CCDC57: variants seen among roughly 807,000 people sequenced by gnomAD.
The protein encoded by CCDC57 is coiled-coil domain-containing protein 57.
In CCDC57, 118 loss-of-function variants were observed where a neutral mutation model predicts 118.9. The ratio of observed to expected loss-of-function variants is 0.99; its 90% CI spans 0.86 to 1.16. The LOEUF (loss-of-function observed/expected upper bound fraction) is 1.16, where lower values mean the gene tolerates loss of function less well. Among genes scored for constraint, CCDC57 ranks in the 50% most tolerant of loss-of-function variants. The pLI is 0.00. For synonymous variants in CCDC57, 527 were observed against 532.9 expected, an observed-to-expected ratio of 0.99 and a Z score of 0.15; for missense variants, 1,300 against 1,320.7, an observed-to-expected ratio of 0.98 and a Z score of 0.24.
chr17:82,171,997 G>A (rs1242940360), intron 12 of CCDC57, 144 bp from the exon 12 acceptor site: 15 of 837,304 alleles, frequency 1.8e-5, no homozygotes, highest in South Asian at 1.2e-4. Context: ...CAGCTTCACC[G>A]TAGTTTCCAC....
At chr17:82,182,127 AG>A (rs1376130951) in intron 9 of CCDC57, among the ~76,000 whole-genome samples, 2 of 152,116 alleles carry the variant, frequency 1.3e-5, no homozygotes, top group African/African-American at 4.8e-5. Context: ...CAAAAAAAAA[AG>A]AAAAAAAGTT....
At chr17:82,158,612 C>T (rs946293171) in intron 14 of CCDC57, among the ~76,000 whole-genome samples, 2 of 147,864 alleles carry the variant, frequency 1.4e-5, no homozygotes, top group East Asian at 2.0e-4. Flanking sequence ...GGCATGAACC[C>T]GGGAGGTGGA....
At position 82,205,151 on chromosome 17, in the gene CCDC57, A is replaced by G. The variant is rs541086376; in HGVS notation, c.-9+2696T>C. 2.1e-4 allele frequency among the ~76,000 whole-genome samples: 32 copies of G among 152,332 alleles called. No individual in the cohort carries two copies. In the South Asian group the frequency reaches 3.3e-3, roughly 16 times the overall value. On this transcript the variant is annotated intron_variant, in intron 2 of 19. Transcript: ENST00000665763. ...AGGGAAAGAATTGGACTATCAGCAA[A>G]TACACATTAAATGATGGAACACCAC...
chr17:82,157,554 G>A (rs1037178418), intron 15 of CCDC57, 194 bp downstream of exon 14: 149 of 1,430,450 alleles, frequency 1.0e-4, no homozygotes, highest in African/African-American at 1.7e-4. Context: ...AAGAGGAGGC[G>A]TGTGGAGGAA....
At chr17:82,103,977 T>G (rs919156933) in intron 19 of CCDC57, among the ~76,000 whole-genome samples, 1 of 152,140 alleles carries the variant, frequency 6.6e-6, no homozygotes, top group Non-Finnish European at 1.5e-5. Context: ...GGCAGGGAAC[T>G]GGCCATGAGC....
chr17:82,131,038 C>T (rs577264014), intron 17 of CCDC57, among the ~76,000 whole-genome samples: 44 of 149,872 alleles, frequency 2.9e-4, no homozygotes, highest in African/African-American at 1.0e-3. Flanking sequence ...GTCTTGAACT[C>T]CTGACCTCAG....
intron 17 of CCDC57, among the ~76,000 whole-genome samples, chr17:82,132,773 T>TTA (rs2038596380): frequency 6.7e-6 from 1 of 149,600 alleles, no homozygotes; most frequent in Admixed American, 6.7e-5. Context: ...TTTTTTTTTT[T>TTA]TTTTGAGACG....
chr17:82,168,225 C>T (rs2044235340), intron 13 of CCDC57, among the ~76,000 whole-genome samples: 1 of 152,240 alleles, frequency 6.6e-6, no homozygotes, highest in Non-Finnish European at 1.5e-5. Flanking sequence ...ATGACAGCTG[C>T]TGCTGAGAAC....
chr17:82,116,776 A>G (rs1032064094), intron 19 of CCDC57, among the ~76,000 whole-genome samples: 2 of 152,100 alleles, frequency 1.3e-5, no homozygotes, highest in Non-Finnish European at 2.9e-5. Context: ...GCACTCAACA[A>G]ATACTCGAGG....
intron 15 of CCDC57, chr17:82,157,415 G>C (rs2042806827): frequency 2.3e-6 from 3 of 1,285,844 alleles, no homozygotes; most frequent in Non-Finnish European, 3.0e-6. Context: ...TCAAGGCCCT[G>C]CATTAAAGCA....
rs142484803 is a variant in CCDC57 at position 82,143,019 on chromosome 17, C to G, written c.2455+8541G>C. Among the ~76,000 whole-genome samples the G allele has an allele frequency of 2.8e-3, 424 of 152,182 alleles. 3 individuals are homozygous for G. The highest frequency in any genetic ancestry group is 9.8e-3 in the African/African-American group (407 of 41,540). ...GTCTCTACTAAAAATACAAAACTAG[C>G]CGGGCGTGGTGGCACATGCCTGTAG... On this transcript the variant is annotated intron_variant, in intron 16 of 19. Coordinates refer to ENST00000665763, the Ensembl canonical transcript of CCDC57.
intron 11 of CCDC57, among the ~76,000 whole-genome samples, chr17:82,178,130 T>C (rs1206569035): frequency 3.9e-5 from 6 of 152,244 alleles, no homozygotes; most frequent in African/African-American, 1.4e-4. Context: ...CTAACGTCAC[T>C]GCTCAACAAA....
At chr17:82,210,667 G>C (rs1427890778) in intron 1 of CCDC57, among the ~76,000 whole-genome samples, 1 of 147,832 alleles carries the variant, frequency 6.8e-6, no homozygotes, top group Non-Finnish European at 1.5e-5. Context: ...GCGAGAGAGA[G>C]AGAGACTCAG....
chr17:82,200,310 G>T (rs905349101), intron 3 of CCDC57, among the ~76,000 whole-genome samples: 1 of 152,326 alleles, frequency 6.6e-6, no homozygotes, highest in South Asian at 2.1e-4. Context: ...AATCGATCAG[G>T]AAGTGCTGGA....
At chr17:82,126,204 C>T (rs7406630) in intron 19 of CCDC57, 113,087 of 216,288 alleles carry the variant, frequency 0.52, 30,553 homozygotes, top group African/African-American at 0.57. Context: ...CATTTGAACC[C>T]GGGAGGAGGA....
chr17:82,131,952 C>CA (rs1044282287), intron 17 of CCDC57, among the ~76,000 whole-genome samples: 1 of 151,190 alleles, frequency 6.6e-6, no homozygotes, highest in East Asian at 2.0e-4. Flanking sequence ...CCTATCTCTA[C>CA]AAAAAATACA....
intron 4 of CCDC57, 49 bp downstream of exon 3, chr17:82,198,265 T>G (rs556391383): frequency 9.2e-7 from 1 of 1,092,410 alleles, no homozygotes; most frequent in Admixed American, 2.0e-5. Context: ...AGTTTCACAG[T>G]GGGCAGGCAG....
At chr17:82,123,982 C>CAAAAAAAAAA (rs200031813) in intron 19 of CCDC57, among the ~76,000 whole-genome samples, 30 of 64,188 alleles carry the variant, frequency 4.7e-4, no homozygotes, top group East Asian at 1.5e-3. Context: ...CATCCAAAAG[C>CAAAAAAAAAA]AAAAAAAAAA....
chr17:82,187,555 G>A, intron 8 of CCDC57, among the ~76,000 whole-genome samples: 1 of 40,042 alleles, frequency 2.5e-5, no homozygotes, highest in Non-Finnish European at 5.0e-5. Context: ...AGCTGGCAGG[G>A]GTCGGGGGGG....
Sources: gnomAD v4.1 joint callset for allele counts (sites outside exome capture counted in the v4.1 genomes callset) on GRCh38, gnomAD v4.1.1 for gene constraint, MANE v1.5 for transcripts, NCBI Gene and HGNC (gene_info 2026-07-23, HGNC 2026-07-21) for gene names.